Variants in UHRF2 observed in about 807,000 individuals in gnomAD.
The protein encoded by UHRF2 is ubiquitin like with PHD and ring finger domains 2.
A neutral mutation model predicts 96.8 loss-of-function variants in UHRF2; 23 were observed. The ratio of observed to expected loss-of-function variants is 0.24; its 90% CI spans 0.17 to 0.34. The LOEUF is 0.34. Ranked by LOEUF, UHRF2 falls within the 10% of genes least tolerant of loss-of-function variation. The probability of loss-of-function intolerance (pLI) is 1.00; values close to 1 mark genes in which losing one functional copy is unlikely to be tolerated. For synonymous variants in UHRF2, 385 were observed against 332.6 expected (o/e 1.16, Z -1.72); for missense variants, 685 against 981.5 (o/e 0.70, Z 4.04).
At chr9:6,444,682 A>T (rs765527513) in intron 3 of UHRF2, among the ~76,000 whole-genome samples, 4 of 150,772 alleles carry the variant, frequency 2.7e-5, no homozygotes, top group Non-Finnish European at 5.9e-5. Context: ...GCTCACTGCA[A>T]CCTCCCCCTC....
intron 3 of UHRF2, among the ~76,000 whole-genome samples, chr9:6,447,264 A>G (rs1028687958): frequency 1.3e-5 from 2 of 152,138 alleles, no homozygotes; most frequent in African/African-American, 2.4e-5. Context: ...ATACTTTATT[A>G]TATATTTGAT....
chr9:6,450,233 A>G (rs1821773223), intron 3 of UHRF2, among the ~76,000 whole-genome samples: 1 of 152,150 alleles, frequency 6.6e-6, no homozygotes, highest in Admixed American at 6.5e-5. Flanking sequence ...AGGTTGTTCA[A>G]ATAAGGATCA....
intron 3 of UHRF2, among the ~76,000 whole-genome samples, chr9:6,452,493 A>C (rs1253084148): frequency 6.6e-6 from 1 of 152,234 alleles, no homozygotes; most frequent in Non-Finnish European, 1.5e-5. Context: ...TCTGTGTCTT[A>C]GAATCTTCAT....
Position 6,500,558 on chromosome 9 carries a change from G to C in UHRF2, c.2012G>C (p.Cys671Ser). 2 of 1,610,616 alleles carry C rather than the reference G, an allele frequency of 1.2e-6. No individual in the cohort carries two copies. The highest frequency in any genetic ancestry group is 1.7e-6 in the Non-Finnish European group (2 of 1,179,256). The change falls in exon 14 of 16, where the codon TGT (cysteine) becomes TCT (serine). Residue 671 changes from cysteine (C) to serine (S), a missense_variant. Cys to Ser is a moderately radical substitution (Grantham distance 112). Around this residue, in one of 6 missense-constraint regions of UHRF2, gnomAD observed 99 missense variants for 73.5 expected, o/e 1.35. Coordinates refer to ENST00000276893, the MANE Select transcript of UHRF2 (RefSeq NM_152896.3). ...ATTTTTAAAATAAATCTAGATGACTGTCCAAGTGCCTCCAAAGTGTACAAA... is the reference window on the plus strand; with the variant it reads ...ATTTTTAAAATAAATCTAGATGACTCTCCAAGTGCCTCCAAAGTGTACAAA... ...TTKRPISDDD[C>S]PSASKVYKAS...
intron 3 of UHRF2, among the ~76,000 whole-genome samples, chr9:6,441,055 T>C (rs1265854029): frequency 2.0e-5 from 3 of 152,208 alleles, no homozygotes; most frequent in South Asian, 4.1e-4. Flanking sequence ...TAATGGTCCT[T>C]GGCCAGGAGC....
chr9:6,433,437 T>C (rs1363059905), intron 2 of UHRF2, among the ~76,000 whole-genome samples: 1 of 152,230 alleles, frequency 6.6e-6, no homozygotes, highest in African/African-American at 2.4e-5. Flanking sequence ...TTTTTTATTG[T>C]GCATAATTCT....
chr9:6,471,183 A>C lies in UHRF2; in HGVS notation c.864-4208A>C, dbSNP rs1454171164. On this transcript the variant is annotated intron_variant, in intron 4 of 15. Transcript: ENST00000276893. ...TCACAAACTCATGGACAGCATCTAC[A>C]ATGAAACAGGGTGGTATGGTATCAT... Among the ~76,000 whole-genome samples, 3 of 152,218 alleles carry C rather than the reference A, an allele frequency of 2.0e-5. No individual in the cohort carries two copies. The East Asian group carries it at 5.8e-4, about 29-fold the overall frequency.
rs1037109050 is a variant in UHRF2 at position 6,413,206 on chromosome 9, A to C, written c.-285A>C. ...TGTGGGAGCTCCAGCTCTATAAGTA[A>C]ACACTCTGCGCGGCGCAGACATGGC... On this transcript the variant is annotated 5_prime_UTR_variant, in exon 1 of 16. Transcript: ENST00000276893. The C allele has an allele frequency of 6.2e-6, 1 of 160,890 alleles. No homozygotes were observed. The highest frequency in any genetic ancestry group is 6.4e-5 in the Admixed American group (1 of 15,540). 10.0% of individuals were successfully genotyped at this position (160,890 alleles called of 1,614,324 possible).
rs747136763 is a variant in UHRF2 at position 6,432,165 on chromosome 9, AT to A, written c.385-1748del. On this transcript the variant is annotated intron_variant, in intron 2 of 15. Transcript: ENST00000276893. ...TCTCTGATTGTTTGTCCTACCCAGC[AT>A]GGTTGGCTCTTAGGTTTTTATTTTT... Among the ~76,000 whole-genome samples, 19 of 152,288 alleles carry A rather than the reference AT, an allele frequency of 1.2e-4. No individual in the cohort carries two copies. In the South Asian group the frequency reaches 2.3e-3, roughly 18 times the overall value.
chr9:6,432,322 G>C (rs1440711305), intron 2 of UHRF2, among the ~76,000 whole-genome samples: 1 of 152,142 alleles, frequency 6.6e-6, no homozygotes, highest in Non-Finnish European at 1.5e-5. Flanking sequence ...GATAGTTTTT[G>C]TTTAGTCTGT....
chr9:6,435,859 T>C (rs1225312085), intron 3 of UHRF2, among the ~76,000 whole-genome samples: 2 of 152,186 alleles, frequency 1.3e-5, no homozygotes, highest in African/African-American at 4.8e-5. Context: ...TCCACCCACC[T>C]TGGCCTCCCA....
intron 3 of UHRF2, among the ~76,000 whole-genome samples, chr9:6,445,385 T>C (rs1167673193): frequency 6.6e-6 from 1 of 152,120 alleles, no homozygotes; most frequent in Non-Finnish European, 1.5e-5. Flanking sequence ...TGCTTCAGCC[T>C]CCTGAGTAAC....
At chr9:6,454,791 T>C (rs188831153) in intron 3 of UHRF2, among the ~76,000 whole-genome samples, 6 of 152,346 alleles carry the variant, frequency 3.9e-5, no homozygotes, top group Non-Finnish European at 4.4e-5. Flanking sequence ...GCTGCCTCAC[T>C]CTAGGATATG....
chr9:6,501,603 A>C (rs1816295585), intron 14 of UHRF2, among the ~76,000 whole-genome samples: 3 of 152,194 alleles, frequency 2.0e-5, no homozygotes, highest in Admixed American at 2.0e-4. Context: ...TTTATATTGG[A>C]ATCGTTACTT....
chr9:6,483,092 G>A (rs1395517160), intron 8 of UHRF2, among the ~76,000 whole-genome samples: 2 of 151,912 alleles, frequency 1.3e-5, no homozygotes, highest in African/African-American at 2.4e-5. Flanking sequence ...TTGGAAGGCC[G>A]CAGCAGCCAG....
intron 9 of UHRF2, among the ~76,000 whole-genome samples, chr9:6,487,175 T>TTTATTTTTTATTTTTTATTTTTTTTA (rs1219013703): frequency 2.8e-5 from 4 of 142,684 alleles, no homozygotes; most frequent in African/African-American, 1.1e-4. Flanking sequence ...GCTTTTATTT[T>TTTATTTTTTATTTTTTATTTTTTTTA]TTTTTCCTTT....
intron 1 of UHRF2, chr9:6,415,524 G>C (rs1195374846): frequency 6.6e-6 from 1 of 152,198 alleles, no homozygotes; most frequent in East Asian, 1.9e-4. Context: ...CCAGCCTGTA[G>C]CAGGTAACTA....
At chr9:6,484,384 C>T (rs1824121920) in intron 8 of UHRF2, among the ~76,000 whole-genome samples, 1 of 151,060 alleles carries the variant, frequency 6.6e-6, no homozygotes, top group Non-Finnish European at 1.5e-5. Context: ...GCAGGTGTGG[C>T]AGCAGCTTCT....
chr9:6,492,107 A>C (rs1294587652), intron 9 of UHRF2, among the ~76,000 whole-genome samples: 1 of 152,160 alleles, frequency 6.6e-6, no homozygotes, highest in Non-Finnish European at 1.5e-5. Context: ...CCTCGTGATA[A>C]TATAATGTTT....
Sources: allele counts gnomAD v4.1 joint callset (sites outside exome capture counted in the v4.1 genomes callset), GRCh38; gene constraint gnomAD v4.1.1; regional missense constraint gnomAD v4.1.1; transcripts MANE v1.5; gene names NCBI Gene and HGNC (gene_info 2026-07-23, HGNC 2026-07-21).